The following NFIX variants were observed in gnomAD, a reference collection of about 807,000 sequenced individuals.
NFIX encodes the protein nuclear factor I X.
Under a neutral mutation model 53.3 loss-of-function variants are expected in NFIX, and 2 were observed. That is an observed-to-expected ratio of 0.04 (90% CI 0.02 to 0.12). The LOEUF (loss-of-function observed/expected upper bound fraction) is 0.12. Ranked by LOEUF, NFIX falls within the 10% of genes least tolerant of loss-of-function variation. NFIX has a pLI of 1.00. For missense variants in NFIX, 310 were observed against 674.5 expected (o/e 0.46, Z 5.99); for synonymous variants, 244 against 289.0 (o/e 0.84, Z 1.58).
At chr19:13,091,333 T>G (rs1248702723) in intron 10 of NFIX, among the ~76,000 whole-genome samples, 1 of 149,930 alleles carries the variant, frequency 6.7e-6, no homozygotes, top group East Asian at 1.9e-4. Flanking sequence ...CCAGAGAAAG[T>G]TGGTGGATGG....
At chr19:13,038,269 C>T (rs1400880654) in intron 2 of NFIX, among the ~76,000 whole-genome samples, 1 of 152,180 alleles carries the variant, frequency 6.6e-6, no homozygotes, top group Non-Finnish European at 1.5e-5. Flanking sequence ...TCATCAAATA[C>T]CTATCCCTTA....
intron 1 of NFIX, chr19:13,024,589 A>G (rs1057412808): frequency 2.6e-6 from 4 of 1,536,186 alleles, no homozygotes; most frequent in Non-Finnish European, 2.6e-6. Context: ...GCAGACGGAC[A>G]CTGTGCCGGG....
At chr19:13,039,801 C>T (rs974123148) in intron 2 of NFIX, among the ~76,000 whole-genome samples, 3 of 152,170 alleles carry the variant, frequency 2.0e-5, no homozygotes, top group African/African-American at 4.8e-5. Flanking sequence ...ATCTGTCTCT[C>T]GCGCAGCTTA....
chr19:13,010,493 A>C (rs2012279507), intron 1 of NFIX, among the ~76,000 whole-genome samples: 1 of 152,238 alleles, frequency 6.6e-6, no homozygotes, highest in Admixed American at 6.5e-5. Context: ...CAGGCACCGA[A>C]AGCTTATATG....
Position 13,035,464 on chromosome 19 carries a change from G to C in NFIX, c.559+9912G>C, listed in dbSNP as rs189747861. 5.6e-3 allele frequency among the ~76,000 whole-genome samples: 848 copies of C among 152,290 alleles called. 7 individuals are homozygous for C. Among genetic ancestry groups the C allele is most frequent in the African/African-American group, 0.02 (823 of 41,542 alleles). On this transcript the variant is annotated intron_variant, in intron 2 of 10. Coordinates refer to ENST00000592199, the MANE Select transcript of NFIX (RefSeq NM_001365902.3). ...GGGATCTGCTACTGGGCTGACCCAGGCCTGTGCAGCAACCGGTAATCCTGT... is the reference window on the plus strand; with the variant it reads ...GGGATCTGCTACTGGGCTGACCCAGCCCTGTGCAGCAACCGGTAATCCTGT...
chr19:13,048,457 A>G (rs980309672), intron 2 of NFIX, among the ~76,000 whole-genome samples: 1 of 150,500 alleles, frequency 6.6e-6, no homozygotes, highest in African/African-American at 2.4e-5. Flanking sequence ...AGTTTTCAGA[A>G]CTCAGTGTCT....
chr19:13,066,035 A>G lies in NFIX; in HGVS notation c.560-7012A>G, dbSNP rs925118614. Among the ~76,000 whole-genome samples the G allele has an allele frequency of 2.6e-5, 4 of 152,138 alleles. No individual in the cohort carries two copies. Among genetic ancestry groups the G allele is most frequent in the Non-Finnish European group, 5.9e-5 (4 of 68,002 alleles). On this transcript the variant is annotated intron_variant, in intron 2 of 10. Coordinates refer to ENST00000592199, the MANE Select transcript of NFIX (RefSeq NM_001365902.3). This position sits in a 1 kb window ranked among gnomAD's most constrained non-coding sequence, Gnocchi z 4.2. ...CTCCACATGGGGAGTGGAGGCAACC[A>G]AGGACTGTAGGAGACAGGCCTTCTT...
At chr19:13,075,774 G>T (rs576249461) in intron 6 of NFIX, 103 bp downstream of exon 6, 16 of 1,358,880 alleles carry the variant, frequency 1.2e-5, no homozygotes, top group African/African-American at 1.4e-5. Flanking sequence ...TCCCCCTGTC[G>T]GGGGGCATTA....
intron 2 of NFIX, among the ~76,000 whole-genome samples, chr19:13,064,590 T>G (rs1391789282): frequency 6.6e-6 from 1 of 152,228 alleles, no homozygotes; most frequent in Non-Finnish European, 1.5e-5. Context: ...GAGAAACCTC[T>G]CTGTTGCTCT....
intron 1 of NFIX, among the ~76,000 whole-genome samples, chr19:13,016,804 G>C (rs2012695238): frequency 6.6e-6 from 1 of 152,084 alleles, no homozygotes; most frequent in South Asian, 2.1e-4. Context: ...CAATGAGGGG[G>C]AGGACGCTCG....
rs1389485572 is a variant in NFIX, at chr19:13,088,504, T to G, written c.1402+368T>G. On this transcript the variant is annotated intron_variant, in intron 9 of 10. Coordinates refer to ENST00000592199, the MANE Select transcript of NFIX (RefSeq NM_001365902.3). This position sits in a 1 kb window ranked among gnomAD's most constrained non-coding sequence, Gnocchi z 5.9. ...CCTGATTGCTGTTTTTTTTTTTTTG[T>G]TTTTTGTTTTTGTTTTTTAATTTTT... Among the ~76,000 whole-genome samples the G allele has an allele frequency of 6.6e-6, 1 of 150,868 alleles. No homozygotes were observed. Among genetic ancestry groups the G allele is most frequent in the Non-Finnish European group, 1.5e-5 (1 of 67,714 alleles).
rs565966585 is a variant in NFIX, at chr19:13,012,904, G to A, written c.28-12117G>A. 6.6e-6 allele frequency among the ~76,000 whole-genome samples: 1 copy of A among 151,910 alleles called. No individual in the cohort carries two copies. The highest frequency in any genetic ancestry group is 2.4e-5 in the African/African-American group (1 of 41,520). On this transcript the variant is annotated intron_variant, in intron 1 of 10. Transcript: ENST00000592199. This position sits in a 1 kb window ranked among gnomAD's most constrained non-coding sequence, Gnocchi z 5.0. ...CCTTCTCTTTTGGGGGAGTAAAGGC[G>A]GGGAAATTTACCAGGGGAGATTTTT...
intron 1 of NFIX, 177 bp from the exon 2 acceptor site, chr19:13,024,844 C>A: frequency 7.5e-7 from 1 of 1,326,902 alleles, no homozygotes; most frequent in Admixed American, 2.0e-5. Context: ...TCAAACCACA[C>A]TTTCGTAGAA....
Position 12,996,471 on chromosome 19 carries a change from G to T in NFIX, c.27+607G>T, listed in dbSNP as rs2011470178. 6.6e-6 allele frequency among the ~76,000 whole-genome samples: 1 copy of T among 151,984 alleles called. No homozygotes were observed. On this transcript the variant is annotated intron_variant, in intron 1 of 10. Transcript: ENST00000592199. The surrounding 1 kb of genome is among the most constrained non-coding windows in gnomAD (Gnocchi z 5.2). ...CAAAGTCTTTGTTTAGGCCTCACAT[G>T]GGAGCGGGGCTAAGAAAATGGCGGG...
Position 13,028,809 on chromosome 19 carries a change from C to A in NFIX, c.559+3257C>A, listed in dbSNP as rs2013573493. Among the ~76,000 whole-genome samples, 1 of 152,236 alleles carries A rather than the reference C, an allele frequency of 6.6e-6. No homozygotes were observed. The highest frequency in any genetic ancestry group is 3.4e-3 in the Middle Eastern group (1 of 294). On this transcript the variant is annotated intron_variant, in intron 2 of 10. Transcript: ENST00000592199. This position sits in a 1 kb window ranked among gnomAD's most constrained non-coding sequence, Gnocchi z 4.2. Reference sequence around the variant, plus strand: ...GGGAGGGCCAGGAGAGAGATCTCTGCTTGTGTGAGAAAGGATGGCCGAGCT... The same window carrying A: ...GGGAGGGCCAGGAGAGAGATCTCTGATTGTGTGAGAAAGGATGGCCGAGCT...
Position 13,072,909 on chromosome 19 carries a change from G to A in NFIX, c.560-138G>A. ...CCGGAGCCTCCTGGGGCTGGTTTGGGGAGAGGGTGGGGTGAAGGTTTCTGT... is the reference window on the plus strand; with the variant it reads ...CCGGAGCCTCCTGGGGCTGGTTTGGAGAGAGGGTGGGGTGAAGGTTTCTGT... On this transcript the variant is annotated intron_variant, in intron 2 of 10. Coordinates refer to ENST00000592199, the MANE Select transcript of NFIX (RefSeq NM_001365902.3). The surrounding 1 kb of genome is among the most constrained non-coding windows in gnomAD (Gnocchi z 4.0). 1 of 821,760 alleles carries A rather than the reference G, an allele frequency of 1.2e-6. No homozygotes were observed. The highest frequency in any genetic ancestry group is 1.4e-5 in the South Asian group (1 of 71,898). 50.9% of individuals were successfully genotyped at this position (821,760 alleles called of 1,614,324 possible).
rs1224308000 is a variant in NFIX, at chr19:13,090,415, G to A, written c.1494+25G>A. On this transcript the variant is annotated intron_variant, in intron 10 of 10. Transcript: ENST00000592199. This position sits in a 1 kb window ranked among gnomAD's most constrained non-coding sequence, Gnocchi z 6.6. Reference sequence around the variant, plus strand: ...GGTAGGAGACCCTGCCCACCACCTGGATGCAGGGACCAGGGGAGTAGTCAG... The same window carrying A: ...GGTAGGAGACCCTGCCCACCACCTGAATGCAGGGACCAGGGGAGTAGTCAG... 6 of 1,597,678 alleles carry A rather than the reference G, an allele frequency of 3.8e-6. No homozygotes were observed. The highest frequency in any genetic ancestry group is 5.1e-6 in the Non-Finnish European group (6 of 1,165,338).
intron 2 of NFIX, chr19:13,070,358 G>A (rs2016699044): frequency 6.6e-6 from 1 of 152,454 alleles, no homozygotes; most frequent in Admixed American, 6.5e-5. Flanking sequence ...CCTGGCTAGA[G>A]ATGGCCTGTG....
rs7247634 is a variant in NFIX, at chr19:13,081,927, C to T, written c.1254+72C>T. The T allele has an allele frequency of 6.4e-7, 1 of 1,563,292 alleles. No individual in the cohort carries two copies. Among genetic ancestry groups the T allele is most frequent in the African/African-American group, 1.4e-5 (1 of 74,056 alleles). On this transcript the variant is annotated intron_variant, in intron 8 of 10. Coordinates refer to ENST00000592199, the MANE Select transcript of NFIX (RefSeq NM_001365902.3). The surrounding 1 kb of genome is among the most constrained non-coding windows in gnomAD (Gnocchi z 4.7). Reference sequence around the variant, plus strand: ...ATCTATCTGTCTGTCTCAGGGCTCACAGGGAGAGGGCCCAAAAGCCAGGAG... The same window carrying T: ...ATCTATCTGTCTGTCTCAGGGCTCATAGGGAGAGGGCCCAAAAGCCAGGAG...
Sources: gnomAD v4.1 joint callset for allele counts (sites outside exome capture counted in the v4.1 genomes callset) on GRCh38, gnomAD v4.1.1 for gene constraint, Gnocchi (gnomAD v3.1) non-coding constraint, MANE v1.5 for transcripts, NCBI Gene and HGNC (gene_info 2026-07-23, HGNC 2026-07-21) for gene names.